Variants in TBC1D1 observed in about 807,000 individuals in gnomAD.
The protein encoded by TBC1D1 is TBC1 (tre-2/USP6, BUB2, cdc16) domain family, member 1.
A neutral mutation model predicts 125.6 loss-of-function variants in TBC1D1; 89 were observed. The ratio of observed to expected loss-of-function variants is 0.71; its 90% CI spans 0.60 to 0.85. The LOEUF is 0.85. TBC1D1 is among the 40% of genes least tolerant of loss of function. TBC1D1 has a pLI of 0.00. For missense variants in TBC1D1, 1,377 were observed against 1,469.2 expected (o/e 0.94, Z 1.03); for synonymous variants, 565 against 564.1 (o/e 1.00, Z -0.02).
chr4:38,095,948 G>A lies in TBC1D1; in HGVS notation c.2256G>A (p.Leu752=), dbSNP rs146834783. ...TTCCAGCCTCTGAAAATGATTTGCTGAACAAGCGCCTGAAGCTCGATTATG... is the reference window on the plus strand; with the variant it reads ...TTCCAGCCTCTGAAAATGATTTGCTAAACAAGCGCCTGAAGCTCGATTATG... Residue 752 remains leucine, a synonymous_variant, in exon 14 of 20, where the codon CTG becomes CTA. Coordinates refer to ENST00000261439, the MANE Select transcript of TBC1D1 (RefSeq NM_015173.4). 265 of 1,613,492 alleles carry A rather than the reference G, an allele frequency of 1.6e-4. No individual in the cohort carries two copies. Among genetic ancestry groups the A allele is most frequent in the Non-Finnish European group, 2.1e-4 (247 of 1,179,762 alleles).
At chr4:38,009,117 TTA>T (rs1175234157) in intron 2 of TBC1D1, among the ~76,000 whole-genome samples, 2 of 152,244 alleles carry the variant, frequency 1.3e-5, no homozygotes, top group Non-Finnish European at 1.5e-5. Flanking sequence ...TTGGTTTAAT[TTA>T]GTTTTTACCC....
chr4:37,970,451 T>TA (rs1731808422), intron 2 of TBC1D1, among the ~76,000 whole-genome samples: 1 of 152,244 alleles, frequency 6.6e-6, no homozygotes, highest in South Asian at 2.1e-4. Context: ...GTTAATCTTC[T>TA]AAGCCTTTCT....
intron 3 of TBC1D1, among the ~76,000 whole-genome samples, chr4:38,016,625 G>T (rs767258760): frequency 2.0e-5 from 3 of 152,214 alleles, no homozygotes; most frequent in Non-Finnish European, 2.9e-5. Flanking sequence ...TAGGCTTCAA[G>T]AGGGCATGGA....
At chr4:37,975,659 C>T (rs1178424636) in intron 2 of TBC1D1, among the ~76,000 whole-genome samples, 1 of 152,288 alleles carries the variant, frequency 6.6e-6, no homozygotes, top group Non-Finnish European at 1.5e-5. Flanking sequence ...TGGCCCTGTC[C>T]GGGCATAACA....
chr4:37,921,161 A>G (rs66473315), intron 2 of TBC1D1, among the ~76,000 whole-genome samples: 22,173 of 148,276 alleles, frequency 0.15, 1,814 homozygotes, highest in African/African-American at 0.17. Context: ...CAACAGTGTC[A>G]AGAGCAGTAA....
chr4:38,134,573 T>A (rs956612091), intron 19 of TBC1D1, among the ~76,000 whole-genome samples: 1 of 152,218 alleles, frequency 6.6e-6, no homozygotes, highest in Non-Finnish European at 1.5e-5. Context: ...GATAGGTCCC[T>A]GAAATATAAC....
chr4:38,019,935 T>C (rs1279262063), intron 4 of TBC1D1, among the ~76,000 whole-genome samples: 1 of 152,230 alleles, frequency 6.6e-6, no homozygotes, highest in Non-Finnish European at 1.5e-5. Flanking sequence ...ATGTGCTTAG[T>C]TGTGTTTCTT....
At chr4:37,997,831 G>C (rs971477900) in intron 2 of TBC1D1, among the ~76,000 whole-genome samples, 9 of 151,916 alleles carry the variant, frequency 5.9e-5, no homozygotes, top group African/African-American at 2.2e-4. Context: ...GTAGACTGAG[G>C]GTGGATGGGC....
At chr4:37,963,832 A>C (rs1730533210) in intron 2 of TBC1D1, among the ~76,000 whole-genome samples, 1 of 152,020 alleles carries the variant, frequency 6.6e-6, no homozygotes, top group East Asian at 1.9e-4. Flanking sequence ...ATCGGACTCT[A>C]CTCCCTTGTA....
intron 2 of TBC1D1, among the ~76,000 whole-genome samples, chr4:37,926,049 T>C (rs577007098): frequency 1.3e-5 from 2 of 152,340 alleles, no homozygotes; most frequent in African/African-American, 4.8e-5. Flanking sequence ...GGCTCTATGA[T>C]TATCCATCAT....
Position 38,137,790 on chromosome 4 carries a change from C to A in TBC1D1, c.*455C>A, listed in dbSNP as rs552045744. 6.4e-6 allele frequency: 1 copy of A among 155,326 alleles called. No individual in the cohort carries two copies. Among genetic ancestry groups the A allele is most frequent in the African/African-American group, 2.4e-5 (1 of 41,686 alleles). 9.6% of individuals were successfully genotyped at this position (155,326 alleles called of 1,614,324 possible). On this transcript the variant is annotated 3_prime_UTR_variant, in exon 20 of 20. Transcript: ENST00000261439. ...CACCCTCAGCGTCCCTGGCAAGGTGCAGTTGGCTCTCGCCCATTCTTGTTA... is the reference window on the plus strand; with the variant it reads ...CACCCTCAGCGTCCCTGGCAAGGTGAAGTTGGCTCTCGCCCATTCTTGTTA...
Position 38,103,086 on chromosome 4 carries a change from C to G in TBC1D1, c.2486C>G (p.Pro829Arg). The stretch of plus-strand genomic sequence containing the variant: ...CACCAGTTTCCCAGCAAACAGCAGC[C>G]AAAGGATGTGCCATACAAAGAACTC... Residue 829 changes from proline (P) to arginine (R), a missense_variant, in exon 15 of 20, where the codon CCA (proline) becomes CGA (arginine). Coordinates refer to ENST00000261439, the MANE Select transcript of TBC1D1 (RefSeq NM_015173.4). 2 of 1,614,138 alleles carry G rather than the reference C, an allele frequency of 1.2e-6. No homozygotes were observed. Among genetic ancestry groups the G allele is most frequent in the South Asian group, 1.1e-5 (1 of 91,080 alleles).
At position 38,049,677 on chromosome 4, in the gene TBC1D1, C is replaced by T. The variant is rs142000858; in HGVS notation, c.1689C>T (p.Leu563=). 1.2e-5 allele frequency: 20 copies of T among 1,614,014 alleles called. No homozygotes were observed. Among genetic ancestry groups the T allele is most frequent in the East Asian group, 6.7e-5 (3 of 44,884 alleles). The change falls in exon 11 of 20, where the codon CTC becomes CTT. Residue 563 remains leucine, a synonymous_variant. Coordinates refer to ENST00000261439, the MANE Select transcript of TBC1D1 (RefSeq NM_015173.4). ...TCTCTGAGAGCTCCTTTAAGCTCCT[C>T]GGCTCCTCGGAGGACCTGTCCAGTG...
chr4:37,906,187 GCCC>G (rs1206494678), intron 2 of TBC1D1, among the ~76,000 whole-genome samples: 1 of 151,418 alleles, frequency 6.6e-6, no homozygotes, highest in Non-Finnish European at 1.5e-5. Context: ...TTGTTCTGTT[GCCC>G]AGGTTGGAGT....
At chr4:37,921,751 G>A (rs1270025294) in intron 2 of TBC1D1, among the ~76,000 whole-genome samples, 1 of 151,476 alleles carries the variant, frequency 6.6e-6, no homozygotes, top group African/African-American at 2.4e-5. Flanking sequence ...GTTTTTTGGG[G>A]GCTAGGGTGT....
chr4:37,983,602 G>A (rs1734844497), intron 2 of TBC1D1, among the ~76,000 whole-genome samples: 1 of 152,178 alleles, frequency 6.6e-6, no homozygotes, highest in Non-Finnish European at 1.5e-5. Flanking sequence ...TGTCCCCACT[G>A]AACTTCTCAA....
intron 2 of TBC1D1, among the ~76,000 whole-genome samples, chr4:37,951,362 T>C (rs1284755805): frequency 6.6e-6 from 1 of 152,168 alleles, no homozygotes; most frequent in Non-Finnish European, 1.5e-5. Context: ...TGGGAGTTCA[T>C]TAGAATATTC....
At chr4:38,126,442 T>C (rs1055257899) in intron 18 of TBC1D1, among the ~76,000 whole-genome samples, 1 of 152,230 alleles carries the variant, frequency 6.6e-6, no homozygotes, top group African/African-American at 2.4e-5. Flanking sequence ...ACATGCAGTG[T>C]TTGTGATTTT....
chr4:38,066,349 G>A (rs1753726563), intron 12 of TBC1D1, among the ~76,000 whole-genome samples: 1 of 148,532 alleles, frequency 6.7e-6, no homozygotes, highest in Admixed American at 6.8e-5. Flanking sequence ...GTTTGTTTGT[G>A]ACAGGGTCTT....
Sources: allele counts gnomAD v4.1 joint callset (sites outside exome capture counted in the v4.1 genomes callset), GRCh38; gene constraint gnomAD v4.1.1; transcripts MANE v1.5; gene names NCBI Gene and HGNC (gene_info 2026-07-23, HGNC 2026-07-21).